Variants in GNG4 observed in about 807,000 individuals in gnomAD.
GNG4 encodes G protein subunit gamma 4.
In GNG4, 4 loss-of-function variants were observed where a neutral mutation model predicts 5.8. The observed-to-expected ratio is 0.69, with a 90% CI of 0.34 to 1.57. The LOEUF is 1.57. Ranked by LOEUF, GNG4 falls within the 40% of genes most tolerant of loss-of-function variation. The pLI is 0.06. For missense variants in GNG4, 96 were observed against 95.1 expected, an observed-to-expected ratio of 1.01 and a Z score of -0.04; for synonymous variants, 29 against 32.9, an observed-to-expected ratio of 0.88 and a Z score of 0.41.
chr1:235,614,575 G>T (rs1013957952), intron 1 of GNG4: 6 of 152,182 alleles, frequency 3.9e-5, no homozygotes, highest in South Asian at 2.1e-4. Context: ...CTGTGCAGAC[G>T]TATGGACTGA....
intron 3 of GNG4, among the ~76,000 whole-genome samples, chr1:235,580,753 T>TG (rs1027667820): frequency 2.0e-5 from 3 of 147,128 alleles, no homozygotes; most frequent in Admixed American, 6.8e-5. Flanking sequence ...TTTGTTTTTT[T>TG]TTTTTTTTTT....
Position 235,649,534 on chromosome 1 carries a change from C to T in GNG4, c.-123+128G>A, listed in dbSNP as rs972787554. On this transcript the variant is annotated intron_variant, in intron 1 of 3. Coordinates refer to ENST00000391854, the MANE Select transcript of GNG4 (RefSeq NM_001098722.2). The surrounding 1 kb of genome is among the most constrained non-coding windows in gnomAD (Gnocchi z 5.7). ...GCAGCAGCAGCTGGCGGCGTGAGGA[C>T]CACACCGGCGCCAGAGCCGTCTCCC... 1 of 152,220 alleles carries T rather than the reference C, an allele frequency of 6.6e-6. No individual in the cohort carries two copies. Among genetic ancestry groups the T allele is most frequent in the Non-Finnish European group, 1.5e-5 (1 of 68,102 alleles). 9.4% of individuals were successfully genotyped at this position (152,220 alleles called of 1,614,324 possible).
chr1:235,627,993 G>C (rs1026553185), intron 1 of GNG4, among the ~76,000 whole-genome samples: 4 of 151,918 alleles, frequency 2.6e-5, no homozygotes, highest in African/African-American at 9.7e-5. Context: ...CCAGCCCGAC[G>C]AACATGAAGA....
At chr1:235,621,888 G>A (rs1688719770) in intron 1 of GNG4, among the ~76,000 whole-genome samples, 1 of 151,890 alleles carries the variant, frequency 6.6e-6, no homozygotes. Flanking sequence ...TGTTGCTCAG[G>A]TTGGTCTCGA....
chr1:235,602,554 C>G (rs147200768), intron 1 of GNG4, among the ~76,000 whole-genome samples: 359 of 152,282 alleles, frequency 2.4e-3, no homozygotes, highest in Admixed American at 5.1e-3. Flanking sequence ...TCTCACTAAC[C>G]GATACAGTAT....
chr1:235,582,211 G>A (rs774157057), intron 3 of GNG4, among the ~76,000 whole-genome samples: 1 of 152,140 alleles, frequency 6.6e-6, no homozygotes, highest in Non-Finnish European at 1.5e-5. Context: ...CCTCACCTCT[G>A]ACAACTCCGT....
In GNG4 at chr1:235,549,597, C is replaced by T. The variant is rs1164770170; in HGVS notation, c.*2512G>A. On this transcript the variant is annotated 3_prime_UTR_variant, in exon 4 of 4. Transcript: ENST00000391854. ...GGTCATAACTGCACTATCAAAGGAT[C>T]TGAGGTCCTAGCGTCACATCCAGCA... 1.3e-5 allele frequency: 2 copies of T among 151,760 alleles called. No homozygotes were observed. Among genetic ancestry groups the T allele is most frequent in the Admixed American group, 1.3e-4 (2 of 15,192 alleles). 9.4% of individuals were successfully genotyped at this position (151,760 alleles called of 1,614,324 possible). A position where few individuals can be genotyped will look rare whatever the true frequency, so the allele number is the denominator to read the frequency against.
chr1:235,642,393 A>AC lies in GNG4; in HGVS notation c.-123+7268dup, dbSNP rs1558507270. Among the ~76,000 whole-genome samples the AC allele has an allele frequency of 1.3e-5, 2 of 152,210 alleles. No individual in the cohort carries two copies. The highest frequency in any genetic ancestry group is 3.9e-4 in the East Asian group (2 of 5,194). ...CTCCCTCTCGAATAGAGACCCACGCACGGAAGGATGATACACTGTGATTCC... is the reference window on the plus strand; with the variant it reads ...CTCCCTCTCGAATAGAGACCCACGCACCGGAAGGATGATACACTGTGATTCC... On this transcript the variant is annotated intron_variant, in intron 1 of 3. Transcript: ENST00000391854. This position sits in a 1 kb window ranked among gnomAD's most constrained non-coding sequence, Gnocchi z 4.3.
intron 1 of GNG4, among the ~76,000 whole-genome samples, chr1:235,646,499 T>C (rs1027942688): frequency 1.3e-4 from 20 of 152,222 alleles, no homozygotes; most frequent in African/African-American, 3.9e-4. Flanking sequence ...AGCCCAATCA[T>C]TGCCCTTCTT....
chr1:235,593,312 G>T (rs1365335382), intron 2 of GNG4, among the ~76,000 whole-genome samples: 3 of 152,202 alleles, frequency 2.0e-5, no homozygotes, highest in Non-Finnish European at 2.9e-5. Flanking sequence ...CAAAGTTGGG[G>T]CTGGGAGACC....
chr1:235,630,915 TTGAGACA>T (rs1380290509), intron 1 of GNG4, among the ~76,000 whole-genome samples: 1 of 152,120 alleles, frequency 6.6e-6, no homozygotes, highest in Non-Finnish European at 1.5e-5. Context: ...TTTTTTTTTT[TTGAGACA>T]GAGTCTTGCT....
At chr1:235,650,245 C>A (rs1657642601), upstream of GNG4, among the ~76,000 whole-genome samples, 2 of 20,918 alleles carry the variant, frequency 9.6e-5, no homozygotes, top group African/African-American at 1.6e-4. Flanking sequence ...GGGGCGGGGC[C>A]GGGGGGTAAA....
intron 1 of GNG4, among the ~76,000 whole-genome samples, chr1:235,606,239 A>C (rs1688357591): frequency 6.6e-6 from 1 of 152,162 alleles, no homozygotes; most frequent in Admixed American, 6.6e-5. Context: ...AAAATTAGCC[A>C]GGCATGGTGG....
chr1:235,573,120 ATATACACCATGGAATAC>A (rs1445435342), intron 3 of GNG4, among the ~76,000 whole-genome samples: 1 of 152,088 alleles, frequency 6.6e-6, no homozygotes, highest in African/African-American at 2.4e-5. Flanking sequence ...AATGTGGCAC[ATATACACCATGGAATAC>A]TATGCAGCCA....
chr1:235,569,933 A>G (rs1219621070), intron 3 of GNG4, among the ~76,000 whole-genome samples: 3 of 151,204 alleles, frequency 2.0e-5, no homozygotes, highest in African/African-American at 7.3e-5. Flanking sequence ...TTTGCTATTG[A>G]CTTATTTGTT....
intron 2 of GNG4, among the ~76,000 whole-genome samples, chr1:235,585,937 T>G (rs1291201354): frequency 1.3e-5 from 2 of 152,230 alleles, no homozygotes; most frequent in South Asian, 4.1e-4. Flanking sequence ...AATGTTATAC[T>G]TGCTTCATAC....
intron 3 of GNG4, among the ~76,000 whole-genome samples, chr1:235,553,094 T>G (rs925055735): frequency 5.3e-5 from 8 of 152,134 alleles, no homozygotes; most frequent in African/African-American, 1.9e-4. Context: ...GCCACTTCCC[T>G]GCGGAGAGAG....
chr1:235,570,415 G>C (rs1298436090), intron 3 of GNG4, among the ~76,000 whole-genome samples: 8 of 20,976 alleles, frequency 3.8e-4, no homozygotes, highest in Non-Finnish European at 6.5e-4. Context: ...TTTTTTTTTT[G>C]AGACGGAGTT....
chr1:235,584,814 G>A (rs1354301714), intron 2 of GNG4, among the ~76,000 whole-genome samples: 2 of 152,236 alleles, frequency 1.3e-5, no homozygotes, highest in Non-Finnish European at 2.9e-5. Flanking sequence ...AGGTACAGAT[G>A]AGGTGGGAAG....
Sources: gnomAD v4.1 joint callset for allele counts (sites outside exome capture counted in the v4.1 genomes callset) on GRCh38, gnomAD v4.1.1 for gene constraint, Gnocchi (gnomAD v3.1) non-coding constraint, MANE v1.5 for transcripts, NCBI Gene and HGNC (gene_info 2026-07-23, HGNC 2026-07-21) for gene names.